Variants in GC observed in about 807,000 individuals in gnomAD.
GC encodes vitamin D-binding protein.
A neutral mutation model predicts 56.7 loss-of-function variants in GC; 43 were observed. The ratio of observed to expected loss-of-function variants is 0.76; its 90% CI spans 0.59 to 0.98. The LOEUF is 0.98. Among genes scored for constraint, GC ranks in the 50% least tolerant of loss-of-function variants. GC has a pLI of 0.00. For missense variants in GC, 529 were observed against 545.9 expected, an observed-to-expected ratio of 0.97 and a Z score of 0.31; for synonymous variants, 216 against 202.7, an observed-to-expected ratio of 1.07 and a Z score of -0.56.
At chr4:71,795,025 GT>G (rs1743063100) in intron 1 of GC, among the ~76,000 whole-genome samples, 1 of 152,156 alleles carries the variant, frequency 6.6e-6, no homozygotes, top group Admixed American at 6.5e-5. Flanking sequence ...CTGAGAGATA[GT>G]TTGTTGTGAT....
intron 1 of GC, among the ~76,000 whole-genome samples, chr4:71,774,879 C>T (rs568491606): frequency 3.7e-4 from 56 of 151,882 alleles, no homozygotes; most frequent in Non-Finnish European, 3.5e-4. Context: ...TACATTTTGT[C>T]CATGAGTTAG....
At chr4:71,800,278 G>A (rs1743218453) in intron 1 of GC, among the ~76,000 whole-genome samples, 1 of 151,914 alleles carries the variant, frequency 6.6e-6, no homozygotes, top group Non-Finnish European at 1.5e-5. Context: ...TCCCCTCCCT[G>A]TGTCCATGTA....
chr4:71,752,412 C>T, intron 11 of GC, 106 bp downstream of exon 11: 1 of 855,762 alleles, frequency 1.2e-6, no homozygotes, highest in Non-Finnish European at 1.8e-6. Flanking sequence ...CCAGGAAAAG[C>T]CTGTCACATA....
At chr4:71,804,401 T>C (rs1472639876), upstream of GC, among the ~76,000 whole-genome samples, 2 of 152,214 alleles carry the variant, frequency 1.3e-5, no homozygotes, top group Non-Finnish European at 2.9e-5. Context: ...TGGGCCCTGT[T>C]CCCAAAGATT....
At chr4:71,793,897 G>T (rs181715032) in intron 1 of GC, among the ~76,000 whole-genome samples, 266 of 152,252 alleles carry the variant, frequency 1.7e-3, no homozygotes, top group African/African-American at 6.1e-3. Context: ...TGCCTTTTCT[G>T]CATCTATTGA....
upstream of GC, among the ~76,000 whole-genome samples, chr4:71,786,866 G>A (rs755569174): frequency 4.0e-5 from 6 of 151,738 alleles, no homozygotes; most frequent in Admixed American, 1.3e-4. Flanking sequence ...TGTTCTCTTC[G>A]TTCAGATTCT....
In GC at chr4:71,798,712, G is replaced by A. The variant is rs73827390; in HGVS notation, c.21+5214C>T. ...TTCTTTATTAGTGTATTAAGGTATA[G>A]TCTTCCAAGGTCTAGTCTTTCCAGA... is the stretch of plus-strand genomic sequence containing the variant. On this transcript the variant is annotated intron_variant, in intron 1 of 13. Coordinates refer to the GC transcript ENST00000504199. Among the ~76,000 whole-genome samples, 486 of 152,294 alleles carry A rather than the reference G, an allele frequency of 3.2e-3. 3 individuals carry two copies. Among genetic ancestry groups the A allele is most frequent in the African/African-American group, 0.011 (451 of 41,552 alleles).
intron 1 of GC, among the ~76,000 whole-genome samples, chr4:71,769,760 T>G (rs1742287201): frequency 6.6e-6 from 1 of 152,180 alleles, no homozygotes; most frequent in Admixed American, 6.5e-5. Flanking sequence ...CTTCCCTCCC[T>G]CCTTCCCACC....
chr4:71,801,708 A>G (rs534139765), intron 1 of GC, among the ~76,000 whole-genome samples: 23 of 152,202 alleles, frequency 1.5e-4, no homozygotes, highest in Admixed American at 7.9e-4. Context: ...ATATATATAA[A>G]CTTTGCCTAT....
chr4:71,741,930 T>A, intron 12 of GC, 60 bp from the exon 13 acceptor site: 2 of 702,562 alleles, frequency 2.8e-6, no homozygotes, highest in Admixed American at 4.0e-5. Flanking sequence ...GCAACAACCA[T>A]AATATTGCTC....
chr4:71,756,673 C>A (rs757423906), intron 8 of GC, 39 bp downstream of exon 8: 1 of 1,473,552 alleles, frequency 6.8e-7, no homozygotes, highest in South Asian at 1.1e-5. Context: ...TCCAGATGAA[C>A]TTAAAATGGG....
intron 1 of GC, among the ~76,000 whole-genome samples, chr4:71,790,251 T>A (rs1462645213): frequency 6.6e-6 from 1 of 152,116 alleles, no homozygotes; most frequent in African/African-American, 2.4e-5. Context: ...TTACTTACAA[T>A]GGTAAAAACC....
At position 71,741,854 on chromosome 4, in the gene GC, G is replaced by T. The variant is rs1038144625; in HGVS notation, c.*42C>A. The T allele has an allele frequency of 4.3e-6, 3 of 702,846 alleles. No individual in the cohort carries two copies. The highest frequency in any genetic ancestry group is 7.8e-6 in the Non-Finnish European group (3 of 384,994). The allele number at this position is 702,846 out of a possible 1,614,324, so 43.5% of individuals were successfully genotyped here. ...AGGTCATCAGAGATCATTCCCCTGGGTGGCTCCAACTCTGGTCTATGAGAA... is the reference window on the plus strand; with the variant it reads ...AGGTCATCAGAGATCATTCCCCTGGTTGGCTCCAACTCTGGTCTATGAGAA... On this transcript the variant is annotated 3_prime_UTR_variant, in exon 13 of 13. Coordinates refer to ENST00000273951, the MANE Select transcript of GC (RefSeq NM_000583.4).
chr4:71,768,451 C>A lies in GC; in HGVS notation c.129-18G>T, dbSNP rs760329826. ...CTAGTGACCTGAGGGGAAAATAAGA[C>A]AATATATCAATTAGAACTGAAAGGT... On this transcript the variant is annotated intron_variant, in intron 2 of 12. Transcript: ENST00000273951. 3 of 1,586,258 alleles carry A rather than the reference C, an allele frequency of 1.9e-6. No homozygotes were observed. The highest frequency in any genetic ancestry group is 1.4e-5 in the African/African-American group (1 of 73,512).
upstream of GC, chr4:71,784,126 A>T (rs1742772732): frequency 2.1e-6 from 3 of 1,462,420 alleles, 1 homozygote; most frequent in South Asian, 1.6e-5. Flanking sequence ...CTGACTATGA[A>T]TTAATCAATT....
intron 1 of GC, among the ~76,000 whole-genome samples, chr4:71,794,715 G>T (rs528318518): frequency 6.6e-6 from 1 of 151,934 alleles, no homozygotes; most frequent in Non-Finnish European, 1.5e-5. Flanking sequence ...AAATTTGTTT[G>T]CTCTTGCTTC....
At chr4:71,749,608 A>G (rs2149293712) in intron 11 of GC, among the ~76,000 whole-genome samples, 1 of 152,306 alleles carries the variant, frequency 6.6e-6, no homozygotes, top group African/African-American at 2.4e-5. Context: ...TTCTAGGTTA[A>G]GGCCACCTAA....
At chr4:71,764,962 T>A (rs1040025657) in intron 4 of GC, among the ~76,000 whole-genome samples, 1 of 152,208 alleles carries the variant, frequency 6.6e-6, no homozygotes, top group Non-Finnish European at 1.5e-5. Flanking sequence ...CTTGATGTAG[T>A]AGATGTGTCA....
At chr4:71,767,444 TA>T (rs1742191837) in intron 3 of GC, among the ~76,000 whole-genome samples, 1 of 151,984 alleles carries the variant, frequency 6.6e-6, no homozygotes, top group Non-Finnish European at 1.5e-5. Context: ...GTTATGTGCA[TA>T]CAGGGCAACT....
Sources: allele counts gnomAD v4.1 joint callset (sites outside exome capture counted in the v4.1 genomes callset), GRCh38; gene constraint gnomAD v4.1.1; transcripts MANE v1.5; gene names NCBI Gene and HGNC (gene_info 2026-07-23, HGNC 2026-07-21).